Variants in VWA3B observed in about 807,000 individuals in gnomAD.
VWA3B encodes the protein von Willebrand factor A domain containing 3B, also known as von Willebrand factor A domain-containing protein 3B.
Under a neutral mutation model 158.3 loss-of-function variants are expected in VWA3B, and 138 were observed. The ratio of observed to expected loss-of-function variants is 0.87; its 90% CI spans 0.76 to 1.00. VWA3B has a LOEUF of 1.00. Ranked by LOEUF, VWA3B falls within the 50% of genes least tolerant of loss-of-function variation. The pLI, the probability that VWA3B is intolerant of heterozygous loss-of-function variation, is 0.00. For missense variants in VWA3B, 1,555 were observed against 1,565.1 expected (o/e 0.99, Z 0.11); for synonymous variants, 596 against 587.3 (o/e 1.01, Z -0.21).
intron 7 of VWA3B, among the ~76,000 whole-genome samples, chr2:98,134,405 G>A (rs1418056716): frequency 1.3e-5 from 2 of 152,208 alleles, no homozygotes; most frequent in African/African-American, 4.8e-5. Flanking sequence ...TACGGAGGCG[G>A]AATGAACTTC....
chr2:98,250,381 G>A lies in VWA3B; in HGVS notation c.2737G>A (p.Ala913Thr). 1.2e-6 allele frequency: 2 copies of A among 1,613,516 alleles called. No homozygotes were observed. Among genetic ancestry groups the A allele is most frequent in the Non-Finnish European group, 1.7e-6 (2 of 1,179,822 alleles). ...NKMTLINPQG[A>T]KLNIYKRKVE... ...GATGACATTAATTAACCCCCAAGGA[G>A]CCAAACTCAATATCTACAAGCGAAA... The change falls in exon 20 of 28, where the codon GCC becomes ACC. Residue 913 changes from alanine (A) to threonine (T), a missense_variant. Physicochemically the swap from Ala to Thr is moderately conservative, Grantham distance 58. Transcript: ENST00000477737.
the VWA3B span, among the ~76,000 whole-genome samples, chr2:98,321,888 G>C: frequency 6.6e-6 from 1 of 152,142 alleles, no homozygotes; most frequent in Admixed American, 6.5e-5. Context: ...TTGAATTTTA[G>C]CTCCCATAAT....
chr2:98,305,671 CGGAGCTGT>C (rs1690478118), intron 26 of VWA3B, among the ~76,000 whole-genome samples: 1 of 152,136 alleles, frequency 6.6e-6, no homozygotes, highest in African/African-American at 2.4e-5. Flanking sequence ...CCACAAGTCA[CGGAGCTGT>C]CCAGCCAGAA....
At chr2:98,182,147 C>T (rs1172296822) in intron 9 of VWA3B, among the ~76,000 whole-genome samples, 7 of 152,222 alleles carry the variant, frequency 4.6e-5, no homozygotes, top group Admixed American at 3.9e-4. Context: ...CGGGTGACCG[C>T]AGCCCAGAGG....
At chr2:98,254,230 A>G (rs1686973643) in intron 20 of VWA3B, among the ~76,000 whole-genome samples, 1 of 152,100 alleles carries the variant, frequency 6.6e-6, no homozygotes, top group South Asian at 2.1e-4. Context: ...TGTCTTATCA[A>G]TGAGAAAACA....
At chr2:98,205,154 T>A (rs959917848) in intron 12 of VWA3B, among the ~76,000 whole-genome samples, 4 of 152,178 alleles carry the variant, frequency 2.6e-5, no homozygotes, top group African/African-American at 9.7e-5. Flanking sequence ...TGCAACCATA[T>A]GGACACAGAT....
At chr2:98,187,924 C>T in intron 9 of VWA3B, 51 bp from the exon 10 acceptor site, 1 of 1,516,364 alleles carries the variant, frequency 6.6e-7, no homozygotes, top group Non-Finnish European at 8.8e-7. Flanking sequence ...TCTGGAGGCT[C>T]TTCTCTTTGG....
intron 3 of VWA3B, among the ~76,000 whole-genome samples, chr2:98,116,004 G>A (rs925665253): frequency 4.7e-4 from 72 of 152,094 alleles, no homozygotes; most frequent in African/African-American, 1.5e-3. Flanking sequence ...ACTTCGTTTT[G>A]CTTTGAAAAT....
chr2:98,256,875 A>T (rs1416645319), intron 21 of VWA3B, among the ~76,000 whole-genome samples: 4 of 152,218 alleles, frequency 2.6e-5, no homozygotes, highest in African/African-American at 9.7e-5. Flanking sequence ...ATACTTGCAC[A>T]CATGTAATGA....
chr2:98,098,699 C>T (rs1403362917), intron 2 of VWA3B, among the ~76,000 whole-genome samples: 1 of 152,060 alleles, frequency 6.6e-6, no homozygotes, highest in Admixed American at 6.5e-5. Context: ...AGTCCTTGAA[C>T]ATAAGTTCAA....
intron 14 of VWA3B, among the ~76,000 whole-genome samples, chr2:98,219,637 C>A (rs1684319850): frequency 6.6e-6 from 1 of 152,096 alleles, no homozygotes; most frequent in South Asian, 2.1e-4. Context: ...CAGACTAAGG[C>A]AGAATCAAAC....
intron 19 of VWA3B, chr2:98,242,350 G>T (rs1186955264): frequency 2.2e-6 from 1 of 454,686 alleles, no homozygotes; most frequent in Middle Eastern, 3.2e-4. Context: ...GATGCAAAAT[G>T]GACTCGATAA....
intron 19 of VWA3B, among the ~76,000 whole-genome samples, chr2:98,242,009 C>A (rs180826950): frequency 6.6e-6 from 1 of 152,164 alleles, no homozygotes; most frequent in African/African-American, 2.4e-5. Context: ...GGATGTATAC[C>A]TTTTTGATGT....
intron 1 of VWA3B, among the ~76,000 whole-genome samples, chr2:98,090,743 C>CTT (rs907853832): frequency 6.8e-6 from 1 of 146,206 alleles, no homozygotes; most frequent in Non-Finnish European, 1.5e-5. Flanking sequence ...AAATTATTAT[C>CTT]TTTTTTTTTT....
intron 22 of VWA3B, among the ~76,000 whole-genome samples, chr2:98,281,841 C>T (rs949329089): frequency 2.6e-5 from 4 of 152,146 alleles, no homozygotes; most frequent in African/African-American, 9.7e-5. Context: ...TGTCATTGCT[C>T]GTGGGACTTC....
At position 98,279,701 on chromosome 2, in the gene VWA3B, C is replaced by T. The variant is rs141197931; in HGVS notation, c.3045+8818C>T. On this transcript the variant is annotated intron_variant, in intron 22 of 27. Coordinates refer to ENST00000477737, the MANE Select transcript of VWA3B (RefSeq NM_144992.5). ...ACTTAAAGGGGCAAGGGAAGGAAAG[C>T]GTGTTCCTGGAGCCCTAGAGAGAAA... 2.9e-3 allele frequency among the ~76,000 whole-genome samples: 444 copies of T among 152,288 alleles called. 4 individuals are homozygous for T. The Middle Eastern group carries it at 0.051, about 17-fold the overall frequency.
Position 98,311,816 on chromosome 2 carries a change from T to A in VWA3B, c.3522-3T>A. On this transcript the variant is annotated splice_region_variant and splice_polypyrimidine_tract_variant and intron_variant, in intron 26 of 27. Transcript: ENST00000477737. The stretch of plus-strand genomic sequence containing the variant: ...GGTAACCCTGATCTCTCTCTGTCTC[T>A]AGAGAGGATGTGGAGGCGAGGAACT... 6.3e-7 allele frequency: 1 copy of A among 1,598,300 alleles called. No homozygotes were observed.
chr2:98,115,423 C>T (rs1329583515), intron 2 of VWA3B, among the ~76,000 whole-genome samples: 1 of 152,088 alleles, frequency 6.6e-6, no homozygotes, highest in Non-Finnish European at 1.5e-5. Context: ...TGCACATGTA[C>T]CTGAGAACTT....
At chr2:98,262,069 A>G (rs1687522625) in intron 21 of VWA3B, among the ~76,000 whole-genome samples, 1 of 151,678 alleles carries the variant, frequency 6.6e-6, no homozygotes, top group Non-Finnish European at 1.5e-5. Context: ...GGACATTTGT[A>G]TATCTTCTTT....
Sources: gnomAD v4.1 joint callset for allele counts (sites outside exome capture counted in the v4.1 genomes callset) on GRCh38, gnomAD v4.1.1 for gene constraint, MANE v1.5 for transcripts, NCBI Gene and HGNC (gene_info 2026-07-23, HGNC 2026-07-21) for gene names.